Variants in FSTL4 observed in about 807,000 individuals in gnomAD.
FSTL4 encodes follistatin like 4, also known as follistatin-related protein 4.
In FSTL4, 28 loss-of-function variants were observed where a neutral mutation model predicts 78.2. The observed-to-expected ratio is 0.36, with a 90% CI of 0.27 to 0.49. The LOEUF (loss-of-function observed/expected upper bound fraction) is 0.49, where lower values mean the gene tolerates loss of function less well. Among genes scored for constraint, FSTL4 ranks in the 20% least tolerant of loss-of-function variants. FSTL4 has a pLI of 0.98. For synonymous variants in FSTL4, 422 were observed against 440.5 expected (o/e 0.96, Z 0.53); for missense variants, 922 against 1,084.9 (o/e 0.85, Z 2.11).
chr5:133,234,500 A>T (rs1751597640), intron 7 of FSTL4, among the ~76,000 whole-genome samples: 1 of 152,212 alleles, frequency 6.6e-6, no homozygotes, highest in South Asian at 2.1e-4. Flanking sequence ...CCTGTGCCCA[A>T]TGCTGGCCCT....
At position 133,338,698 on chromosome 5, in the gene FSTL4, A is replaced by G. The variant is rs1307298576; in HGVS notation, c.410-22046T>C. On this transcript the variant is annotated intron_variant, in intron 4 of 15. Coordinates refer to ENST00000265342, the MANE Select transcript of FSTL4 (RefSeq NM_015082.2). This position sits in a 1 kb window ranked among gnomAD's most constrained non-coding sequence, Gnocchi z 4.0. ...GGCCCCTCAACTCAACATGGCCCAA[A>G]TGGAACTCACCATCAAGACTGCTCC... 1.3e-5 allele frequency among the ~76,000 whole-genome samples: 2 copies of G among 151,926 alleles called. No homozygotes were observed. Among genetic ancestry groups the G allele is most frequent in the African/African-American group, 4.8e-5 (2 of 41,342 alleles).
chr5:133,734,783 C>T, the FSTL4 span, among the ~76,000 whole-genome samples: 1 of 152,206 alleles, frequency 6.6e-6, no homozygotes. Flanking sequence ...TTCTGCTCTG[C>T]TCTCTTCAGC....
intron 13 of FSTL4, among the ~76,000 whole-genome samples, chr5:133,214,515 G>T (rs6871171): frequency 6.6e-6 from 1 of 152,178 alleles, no homozygotes. Flanking sequence ...TTCTTAAGTG[G>T]GCCCTCATTG....
At chr5:133,684,210 C>G in the FSTL4 span, among the ~76,000 whole-genome samples, 2 of 152,166 alleles carry the variant, frequency 1.3e-5, no homozygotes, top group Non-Finnish European at 2.9e-5. Flanking sequence ...CTGAAAGTGA[C>G]GGGTAAGCAA....
chr5:133,330,572 C>T (rs1013851641), intron 4 of FSTL4, among the ~76,000 whole-genome samples: 5 of 152,114 alleles, frequency 3.3e-5, no homozygotes, highest in African/African-American at 1.2e-4. Context: ...CCTACCAGGC[C>T]CCACCTCCAA....
chr5:133,424,053 T>C (rs1756755630), intron 3 of FSTL4, among the ~76,000 whole-genome samples: 1 of 152,204 alleles, frequency 6.6e-6, no homozygotes, highest in Admixed American at 6.5e-5. Context: ...AGCCGGGCTC[T>C]GCAGAATCGG....
At chr5:133,260,467 T>C (rs766848410) in intron 6 of FSTL4, among the ~76,000 whole-genome samples, 1 of 152,234 alleles carries the variant, frequency 6.6e-6, no homozygotes, top group Non-Finnish European at 1.5e-5. Flanking sequence ...CGTGCCACAG[T>C]GGCTGATGAA....
At chr5:133,665,540 A>G in the FSTL4 span, among the ~76,000 whole-genome samples, 1 of 152,154 alleles carries the variant, frequency 6.6e-6, no homozygotes, top group South Asian at 2.1e-4. Flanking sequence ...GCCCCTAAGA[A>G]TAACTTTCTC....
At chr5:133,434,280 T>G (rs1376714231) in intron 3 of FSTL4, among the ~76,000 whole-genome samples, 1 of 152,178 alleles carries the variant, frequency 6.6e-6, no homozygotes, top group Non-Finnish European at 1.5e-5. Context: ...TGTTATAAAA[T>G]AAATGGAATG....
chr5:133,538,586 T>A (rs1402515289), intron 3 of FSTL4, among the ~76,000 whole-genome samples: 1 of 152,170 alleles, frequency 6.6e-6, no homozygotes, highest in African/African-American at 2.4e-5. Flanking sequence ...TCTTTCCTTC[T>A]ATATTTCTTA....
chr5:133,335,032 C>A (rs552320056), intron 4 of FSTL4, among the ~76,000 whole-genome samples: 1 of 152,342 alleles, frequency 6.6e-6, no homozygotes, highest in Non-Finnish European at 1.5e-5. Context: ...GGAGCTAGGA[C>A]ACCTTGGGGT....
chr5:133,693,346 T>C, the FSTL4 span, among the ~76,000 whole-genome samples: 10 of 152,234 alleles, frequency 6.6e-5, no homozygotes, highest in Non-Finnish European at 1.0e-4. Flanking sequence ...ACTATAATCA[T>C]CACACTTTAT....
the FSTL4 span, among the ~76,000 whole-genome samples, chr5:133,706,514 A>T: frequency 6.6e-6 from 1 of 152,236 alleles, no homozygotes; most frequent in Non-Finnish European, 1.5e-5. Context: ...ATGAGACTGA[A>T]GGCATTTAAG....
At chr5:133,329,217 G>A (rs895950824) in intron 4 of FSTL4, among the ~76,000 whole-genome samples, 1 of 152,104 alleles carries the variant, frequency 6.6e-6, no homozygotes, top group Non-Finnish European at 1.5e-5. Context: ...GAGGCGTTTT[G>A]GAATTTTGTG....
chr5:133,504,034 C>T (rs766412410), intron 3 of FSTL4, among the ~76,000 whole-genome samples: 10 of 152,130 alleles, frequency 6.6e-5, no homozygotes, highest in Admixed American at 2.0e-4. Context: ...CATCGGATCT[C>T]GTGAGAACTT....
At chr5:133,683,855 G>A in the FSTL4 span, among the ~76,000 whole-genome samples, 8 of 152,290 alleles carry the variant, frequency 5.3e-5, no homozygotes, top group South Asian at 6.2e-4. Flanking sequence ...GGATGGTGCC[G>A]CAGGAGCCCT....
intron 6 of FSTL4, chr5:133,275,807 G>A (rs1326979951): frequency 1.3e-5 from 2 of 152,234 alleles, no homozygotes; most frequent in Non-Finnish European, 2.9e-5. Context: ...TGGTCTGAAT[G>A]GAGAAAGAAG....
At chr5:133,715,874 T>C in the FSTL4 span, among the ~76,000 whole-genome samples, 3 of 152,072 alleles carry the variant, frequency 2.0e-5, no homozygotes, top group African/African-American at 7.2e-5. Context: ...CTCCACAGAG[T>C]GGGTACTTCC....
At chr5:133,394,581 G>A (rs964675435) in intron 4 of FSTL4, among the ~76,000 whole-genome samples, 3 of 152,252 alleles carry the variant, frequency 2.0e-5, no homozygotes, top group African/African-American at 7.2e-5. Flanking sequence ...GGCCTCAGCT[G>A]CCTCCCCGCA....
Sources: gnomAD v4.1 joint callset for allele counts (sites outside exome capture counted in the v4.1 genomes callset) on GRCh38, gnomAD v4.1.1 for gene constraint, Gnocchi (gnomAD v3.1) non-coding constraint, MANE v1.5 for transcripts, NCBI Gene and HGNC (gene_info 2026-07-23, HGNC 2026-07-21) for gene names.